Variants in DLEC1 observed in about 807,000 individuals in gnomAD.
DLEC1 encodes deleted in lung and esophageal cancer protein 1.
In DLEC1, 146 loss-of-function variants were observed where a neutral mutation model predicts 198.1. The ratio of observed to expected loss-of-function variants is 0.74; its 90% CI spans 0.64 to 0.85. The LOEUF (loss-of-function observed/expected upper bound fraction) is 0.85. Among genes scored for constraint, DLEC1 ranks in the 40% least tolerant of loss-of-function variants. DLEC1 has a pLI of 0.00. For missense variants in DLEC1, 2,233 were observed against 2,220.0 expected (o/e 1.01, Z -0.12); for synonymous variants, 897 against 866.8 (o/e 1.03, Z -0.61).
At chr3:38,107,874 G>T (rs967208624) in intron 20 of DLEC1, 137 bp downstream of exon 20, 2 of 1,022,376 alleles carry the variant, frequency 2.0e-6, no homozygotes, top group Non-Finnish European at 2.8e-6. Context: ...TCCCTTGCTC[G>T]TAGTGTGCAT....
intron 22 of DLEC1, 57 bp downstream of exon 22, chr3:38,109,619 C>T (rs553254822): frequency 3.4e-5 from 55 of 1,609,802 alleles, no homozygotes; most frequent in African/African-American, 3.1e-4. Context: ...GAGGCAGCCG[C>T]GCCCAGGACC....
Position 38,122,197 on chromosome 3 carries a change from G to A in DLEC1, c.5144+3G>A. ...TTGCAGGTTTTCTTCACTGCCAGGTGCAGCCCCTTCCAACCTTCCCCAAAC... is the reference window on the plus strand; with the variant it reads ...TTGCAGGTTTTCTTCACTGCCAGGTACAGCCCCTTCCAACCTTCCCCAAAC... On this transcript the variant is annotated splice_donor_region_variant and intron_variant, in intron 36 of 36. Transcript: ENST00000308059. 6.2e-7 allele frequency: 1 copy of A among 1,613,614 alleles called. No homozygotes were observed. The highest frequency in any genetic ancestry group is 2.2e-5 in the East Asian group (1 of 44,868).
intron 6 of DLEC1, among the ~76,000 whole-genome samples, chr3:38,078,227 G>A (rs77643310): frequency 2.6e-5 from 4 of 152,258 alleles, no homozygotes; most frequent in East Asian, 1.9e-4. Context: ...TGAAGGAGCC[G>A]GGGAGCAGAA....
chr3:38,040,464 A>G (rs1239075964), intron 1 of DLEC1, among the ~76,000 whole-genome samples: 3 of 152,228 alleles, frequency 2.0e-5, no homozygotes, highest in Admixed American at 1.3e-4. Context: ...GTAGATAGAC[A>G]TTAACAAAAT....
rs1053811503 is a variant in DLEC1 at position 38,123,735 on chromosome 3, G to C, written c.*1323G>C. On this transcript the variant is annotated 3_prime_UTR_variant, in exon 37 of 37. Transcript: ENST00000308059. ...TTACATTTTTAGGCCAGGTGTGGTGGCTCAAACCTGTAATCCCAACACTTT... is the reference window on the plus strand; with the variant it reads ...TTACATTTTTAGGCCAGGTGTGGTGCCTCAAACCTGTAATCCCAACACTTT... 39 of 152,370 alleles carry C rather than the reference G, an allele frequency of 2.6e-4. No individual in the cohort carries two copies. Among genetic ancestry groups the C allele is most frequent in the African/African-American group, 8.7e-4 (36 of 41,524 alleles). The allele number at this position is 152,370 out of a possible 1,614,324, so 9.4% of individuals were successfully genotyped here. A position where few individuals can be genotyped will look rare whatever the true frequency, so the allele number is the denominator to read the frequency against.
At chr3:38,076,124 G>C (rs965508671) in intron 6 of DLEC1, among the ~76,000 whole-genome samples, 5 of 152,230 alleles carry the variant, frequency 3.3e-5, no homozygotes, top group Non-Finnish European at 7.3e-5. Flanking sequence ...TTGAAATTAA[G>C]AGAAGGGAGA....
At chr3:38,103,146 C>G (rs1430673469) in intron 19 of DLEC1, 1 of 152,224 alleles carries the variant, frequency 6.6e-6, no homozygotes, top group African/African-American at 2.4e-5. Flanking sequence ...CTCCTATGCC[C>G]TCACCCTTCC....
At chr3:38,043,806 G>C (rs888187823) in intron 1 of DLEC1, among the ~76,000 whole-genome samples, 3 of 151,984 alleles carry the variant, frequency 2.0e-5, no homozygotes, top group Non-Finnish European at 4.4e-5. Context: ...TGATTCTCCC[G>C]CCTCAGCCTA....
chr3:38,100,558 T>A (rs1306985090), intron 19 of DLEC1, 133 bp downstream of exon 19: 114 of 1,279,266 alleles, frequency 8.9e-5, no homozygotes, highest in Non-Finnish European at 1.1e-4. Flanking sequence ...TTCTATAAAA[T>A]TTGTAAATTA....
At position 38,112,187 on chromosome 3, in the gene DLEC1, C is replaced by A. The variant is rs1559459309; in HGVS notation, c.3515-23C>A. The A allele has an allele frequency of 6.2e-7, 1 of 1,613,864 alleles. No individual in the cohort carries two copies. The highest frequency in any genetic ancestry group is 8.5e-7 in the Non-Finnish European group (1 of 1,179,834). The stretch of plus-strand genomic sequence containing the variant: ...TCCCAACCCCAGGCCCGTGAATCCC[C>A]CACAGTCGCGGTTCTTTCCCAGATT... On this transcript the variant is annotated intron_variant, in intron 24 of 36. Transcript: ENST00000308059. This position sits in a 1 kb window ranked among gnomAD's most constrained non-coding sequence, Gnocchi z 4.8.
chr3:38,107,371 CCA>C (rs1200005416), intron 19 of DLEC1, among the ~76,000 whole-genome samples: 3 of 152,038 alleles, frequency 2.0e-5, no homozygotes, highest in African/African-American at 7.3e-5. Context: ...ATTTCGATTT[CCA>C]CATGTTTGTT....
chr3:38,068,827 C>A (rs1697167633), intron 6 of DLEC1, among the ~76,000 whole-genome samples: 1 of 152,098 alleles, frequency 6.6e-6, no homozygotes, highest in South Asian at 2.1e-4. Context: ...AAAAATTGTA[C>A]AAGGCAGGGA....
At position 38,112,912 on chromosome 3, in the gene DLEC1, C is replaced by T. The variant is rs1199389883; in HGVS notation, c.3666+551C>T. ...AGTCTGGAGGGATGAAACCTGCATA[C>T]GTTATCCTACCGTTAAGTTGTTAAA... is the stretch of plus-strand genomic sequence containing the variant. On this transcript the variant is annotated intron_variant, in intron 25 of 36. Coordinates refer to ENST00000308059, the MANE Select transcript of DLEC1 (RefSeq NM_007335.4). The surrounding 1 kb of genome is among the most constrained non-coding windows in gnomAD (Gnocchi z 4.8). 6.6e-6 allele frequency among the ~76,000 whole-genome samples: 1 copy of T among 152,144 alleles called. No individual in the cohort carries two copies. The highest frequency in any genetic ancestry group is 1.5e-5 in the Non-Finnish European group (1 of 68,042).
At chr3:38,066,765 G>A (rs901669285) in intron 6 of DLEC1, among the ~76,000 whole-genome samples, 1 of 152,228 alleles carries the variant, frequency 6.6e-6, no homozygotes. Context: ...CTTGAGGAAT[G>A]TCTCAACCAC....
intron 2 of DLEC1, among the ~76,000 whole-genome samples, chr3:38,054,475 C>A (rs1484525413): frequency 6.6e-6 from 1 of 152,166 alleles, no homozygotes; most frequent in Non-Finnish European, 1.5e-5. Flanking sequence ...GCAGCATGAG[C>A]CTCTTGCTGG....
Position 38,062,706 on chromosome 3 carries a change from T to C in DLEC1, c.999T>C (p.Phe333=), listed in dbSNP as rs189364567. ...ACTTCCTAAAAAATCCCCGTTTTTT[T>C]CCTCCTAACACTCGATATGGAGGCA... ...RNHFLKNPRF[F]PPNTRYGGKS... Residue 333 remains phenylalanine (F), a synonymous_variant, in exon 5 of 37, where the codon TTT becomes TTC. Coordinates refer to ENST00000308059, the MANE Select transcript of DLEC1 (RefSeq NM_007335.4). 2.2e-4 allele frequency: 358 copies of C among 1,614,104 alleles called. 2 individuals are homozygous for C. In the East Asian group the frequency reaches 5.5e-3, roughly 25 times the overall value.
At position 38,112,114 on chromosome 3, in the gene DLEC1, G is replaced by C; in HGVS notation, c.3515-96G>C. Reference sequence around the variant, plus strand: ...CTGACCAAGGAGAGGCTGGAGGGTGGCTTATCGGGGACAGTGCTTTGCTCA... The same window carrying C: ...CTGACCAAGGAGAGGCTGGAGGGTGCCTTATCGGGGACAGTGCTTTGCTCA... On this transcript the variant is annotated intron_variant, in intron 24 of 36. Coordinates refer to ENST00000308059, the MANE Select transcript of DLEC1 (RefSeq NM_007335.4). This position sits in a 1 kb window ranked among gnomAD's most constrained non-coding sequence, Gnocchi z 4.8. 6.4e-7 allele frequency: 1 copy of C among 1,560,546 alleles called. No homozygotes were observed. The highest frequency in any genetic ancestry group is 8.7e-7 in the Non-Finnish European group (1 of 1,145,486).
intron 18 of DLEC1, among the ~76,000 whole-genome samples, chr3:38,099,728 C>T (rs1647620937): frequency 6.6e-6 from 1 of 150,446 alleles, no homozygotes; most frequent in South Asian, 2.1e-4. Flanking sequence ...CCCTTCCCCT[C>T]TCCCTTTGTG....
At chr3:38,053,808 G>A in intron 2 of DLEC1, among the ~76,000 whole-genome samples, 1 of 152,218 alleles carries the variant, frequency 6.6e-6, no homozygotes, top group Non-Finnish European at 1.5e-5. Flanking sequence ...TGTCTGTGTA[G>A]AAAGAAGTAG....
Sources: allele counts gnomAD v4.1 joint callset (sites outside exome capture counted in the v4.1 genomes callset), GRCh38; gene constraint gnomAD v4.1.1; non-coding constraint Gnocchi (gnomAD v3.1); transcripts MANE v1.5; gene names NCBI Gene and HGNC (gene_info 2026-07-23, HGNC 2026-07-21).